Variants in CTBP2 observed in about 807,000 individuals in gnomAD.
The protein encoded by CTBP2 is C-terminal binding protein 2, also known as C-terminal-binding protein 2.
CTBP2 carries 30 observed loss-of-function variants against 80.3 expected under a neutral mutation model. The ratio of observed to expected loss-of-function variants is 0.37; its 90% confidence interval spans 0.28 to 0.51. The LOEUF (loss-of-function observed/expected upper bound fraction) is 0.51, where lower values mean the gene tolerates loss of function less well. Ranked by LOEUF, CTBP2 falls within the 20% of genes least tolerant of loss-of-function variation. The pLI is 0.93. For missense variants in CTBP2, 1,212 were observed against 1,375.3 expected (o/e 0.88, Z 1.88); for synonymous variants, 594 against 587.4 (o/e 1.01, Z -0.16).
At chr10:125,106,370 C>T (rs1851459118) in intron 2 of CTBP2, among the ~76,000 whole-genome samples, 2 of 152,326 alleles carry the variant, frequency 1.3e-5, no homozygotes, top group Middle Eastern at 3.4e-3. Flanking sequence ...AGGCTCACTA[C>T]CACAGTGTTT....
intron 2 of CTBP2, among the ~76,000 whole-genome samples, chr10:125,085,260 G>A (rs528065372): frequency 2.0e-5 from 3 of 152,178 alleles, no homozygotes; most frequent in Non-Finnish European, 4.4e-5. Context: ...TTTACCAACA[G>A]CATAATTATA....
At chr10:125,063,573 C>A (rs1022717056) in intron 2 of CTBP2, among the ~76,000 whole-genome samples, 1 of 152,220 alleles carries the variant, frequency 6.6e-6, no homozygotes, top group African/African-American at 2.4e-5. Flanking sequence ...TCCTCTGGCT[C>A]CCCTACAGTA....
intron 8 of CTBP2, among the ~76,000 whole-genome samples, chr10:124,992,079 T>C (rs570469161): frequency 3.3e-5 from 5 of 152,320 alleles, no homozygotes; most frequent in South Asian, 2.1e-4. Context: ...CCTGAGTTGA[T>C]TGTACTATCC....
chr10:125,114,094 T>C (rs1852763984), intron 1 of CTBP2, among the ~76,000 whole-genome samples: 1 of 152,206 alleles, frequency 6.6e-6, no homozygotes, highest in Non-Finnish European at 1.5e-5. Flanking sequence ...GGATATTTTC[T>C]TGGCAGGATT....
At chr10:125,002,716 C>G (rs894751072) in intron 3 of CTBP2, among the ~76,000 whole-genome samples, 3 of 152,214 alleles carry the variant, frequency 2.0e-5, no homozygotes, top group Non-Finnish European at 2.9e-5. Context: ...GGGTGTTGCT[C>G]TGAGGGCAGA....
At chr10:125,009,125 G>A (rs753156299) in intron 1 of CTBP2, among the ~76,000 whole-genome samples, 3 of 152,198 alleles carry the variant, frequency 2.0e-5, no homozygotes, top group Non-Finnish European at 4.4e-5. Flanking sequence ...GTCCTTTGTT[G>A]GGTGAACTCT....
chr10:125,027,298 C>T lies in CTBP2; in HGVS notation c.462G>A (p.Arg154=), dbSNP rs776684611. The change falls in exon 1 of 9, where the codon CGG becomes CGA. Residue 154 remains arginine, a synonymous_variant. Coordinates refer to ENST00000309035, the MANE Select transcript of CTBP2 (RefSeq NM_022802.3). ...GACCGGCGTCCTGCAGGGCAGGTGA[C>T]CGGCCTTGCATTGGATCCCATGACG... 9 of 1,613,656 alleles carry T rather than the reference C, an allele frequency of 5.6e-6. 1 individual carries two copies. In the South Asian group the frequency reaches 7.7e-5, roughly 14 times the overall value.
At chr10:124,994,044 C>T (rs1953104647) in intron 5 of CTBP2, 59 bp from the exon 8 acceptor site, 3 of 1,600,692 alleles carry the variant, frequency 1.9e-6, no homozygotes, top group African/African-American at 1.3e-5. Context: ...GACTCTTGTA[C>T]CAAGGTTTAA....
At chr10:125,151,415 T>G (rs1450119684) in intron 1 of CTBP2, among the ~76,000 whole-genome samples, 1 of 152,100 alleles carries the variant, frequency 6.6e-6, no homozygotes, top group Non-Finnish European at 1.5e-5. Flanking sequence ...GCCCTCGCTG[T>G]TTCCCACAGC....
intron 2 of CTBP2, among the ~76,000 whole-genome samples, chr10:125,101,667 A>G (rs1170723843): frequency 6.6e-6 from 1 of 152,170 alleles, no homozygotes; most frequent in Non-Finnish European, 1.5e-5. Context: ...CACGACCAAG[A>G]AAGGTTTGAG....
chr10:125,145,783 C>G (rs1858662751), intron 1 of CTBP2, among the ~76,000 whole-genome samples: 1 of 152,190 alleles, frequency 6.6e-6, no homozygotes, highest in Non-Finnish European at 1.5e-5. Context: ...TGTGCACACT[C>G]TCCAGGATTT....
At chr10:125,141,279 G>A (rs775500130) in intron 1 of CTBP2, among the ~76,000 whole-genome samples, 2 of 152,144 alleles carry the variant, frequency 1.3e-5, no homozygotes, top group Admixed American at 6.5e-5. Flanking sequence ...AGTCTCCAGC[G>A]CCTTCTCATT....
intron 3 of CTBP2, among the ~76,000 whole-genome samples, chr10:125,034,412 T>C (rs1200449013): frequency 6.6e-6 from 1 of 152,244 alleles, no homozygotes; most frequent in Non-Finnish European, 1.5e-5. Context: ...ATAAGATTGT[T>C]TGGGTATGTT....
intron 2 of CTBP2, among the ~76,000 whole-genome samples, chr10:125,075,028 T>TA (rs1846070375): frequency 6.6e-6 from 1 of 152,138 alleles, no homozygotes; most frequent in Admixed American, 6.5e-5. Flanking sequence ...ACCAAACTTT[T>TA]AAAAGAAAAC....
At chr10:125,148,140 A>G (rs1859136610) in intron 1 of CTBP2, among the ~76,000 whole-genome samples, 1 of 152,172 alleles carries the variant, frequency 6.6e-6, no homozygotes, top group South Asian at 2.1e-4. Flanking sequence ...GGGCAGGACC[A>G]TCTCTCCTTG....
chr10:125,086,346 AC>A (rs1395499518), intron 2 of CTBP2, among the ~76,000 whole-genome samples: 1 of 152,198 alleles, frequency 6.6e-6, no homozygotes, highest in Non-Finnish European at 1.5e-5. Flanking sequence ...AGCCTGGCCA[AC>A]ACAGCGAAAC....
At chr10:124,991,566 A>G (rs1167264160) in intron 8 of CTBP2, among the ~76,000 whole-genome samples, 4 of 152,140 alleles carry the variant, frequency 2.6e-5, no homozygotes, top group Non-Finnish European at 5.9e-5. Flanking sequence ...TTCATTACAC[A>G]AACTGAATGC....
chr10:125,108,957 C>T (rs1851875886), intron 2 of CTBP2, among the ~76,000 whole-genome samples: 1 of 152,234 alleles, frequency 6.6e-6, no homozygotes, highest in Non-Finnish European at 1.5e-5. Context: ...GCTTAGCACT[C>T]AGGAAACATT....
intron 3 of CTBP2, among the ~76,000 whole-genome samples, chr10:125,038,496 T>C (rs1959116327): frequency 6.6e-6 from 1 of 152,174 alleles, no homozygotes; most frequent in South Asian, 2.1e-4. Flanking sequence ...CATTAGATTT[T>C]AATTATGTTT....
Sources: allele counts gnomAD v4.1 joint callset (sites outside exome capture counted in the v4.1 genomes callset), GRCh38; gene constraint gnomAD v4.1.1; transcripts MANE v1.5; gene names NCBI Gene and HGNC (gene_info 2026-07-23, HGNC 2026-07-21).